MROH2B: variants seen among roughly 807,000 people sequenced by gnomAD.
MROH2B encodes the protein maestro heat-like repeat-containing protein family member 2B.
In MROH2B, 177 loss-of-function variants were observed where a neutral mutation model predicts 208.6. That is an observed-to-expected ratio of 0.85 (90% CI 0.75 to 0.96). The LOEUF is 0.96. Ranked by LOEUF, MROH2B falls within the 40% of genes least tolerant of loss-of-function variation. The pLI is 0.00. For synonymous variants in MROH2B, 728 were observed against 659.0 expected, an observed-to-expected ratio of 1.10 and a Z score of -1.60; for missense variants, 2,002 against 1,878.7, an observed-to-expected ratio of 1.07 and a Z score of -1.21.
intron 28 of MROH2B, among the ~76,000 whole-genome samples, chr5:41,016,503 T>TTG (rs1212828013): frequency 1.5e-5 from 2 of 134,680 alleles, no homozygotes; most frequent in Admixed American, 7.6e-5. Flanking sequence ...GTAATGTTTT[T>TTG]TTTTTTTTTT....
chr5:41,023,513 A>T (rs893439586), intron 24 of MROH2B, among the ~76,000 whole-genome samples: 4 of 152,216 alleles, frequency 2.6e-5, no homozygotes, highest in Admixed American at 6.5e-5. Context: ...AAAGAAATGA[A>T]CAAAGCCTCC....
At chr5:41,023,458 T>C (rs180961414) in intron 24 of MROH2B, among the ~76,000 whole-genome samples, 1 of 152,102 alleles carries the variant, frequency 6.6e-6, no homozygotes, top group South Asian at 2.1e-4. Context: ...GAAGATCAAA[T>C]TAATGAAATG....
At chr5:41,042,897 G>GCCCAA (rs1320521302) in intron 18 of MROH2B, among the ~76,000 whole-genome samples, 2 of 152,152 alleles carry the variant, frequency 1.3e-5, no homozygotes, top group East Asian at 1.9e-4. Flanking sequence ...GAGCCACCAT[G>GCCCAA]CCCAACCCAT....
At chr5:41,032,176 T>C (rs1742592686) in intron 24 of MROH2B, among the ~76,000 whole-genome samples, 1 of 152,140 alleles carries the variant, frequency 6.6e-6, no homozygotes, top group South Asian at 2.1e-4. Flanking sequence ...GTGGCTGAAC[T>C]AGTTTACATT....
intron 2 of MROH2B, 127 bp from the exon 3 acceptor site, chr5:41,067,345 A>G (rs1743843139): frequency 8.3e-6 from 5 of 601,456 alleles, no homozygotes; most frequent in South Asian, 5.9e-5. Context: ...TTCATATTAT[A>G]TGTCTTAATT....
intron 17 of MROH2B, 120 bp from the exon 18 acceptor site, chr5:41,045,973 TC>T: frequency 1.9e-6 from 1 of 522,058 alleles, no homozygotes; most frequent in Non-Finnish European, 3.1e-6. Context: ...TATTCCCTTT[TC>T]CATAAAATAA....
At chr5:41,020,785 T>C (rs1002945133) in intron 24 of MROH2B, among the ~76,000 whole-genome samples, 2 of 152,196 alleles carry the variant, frequency 1.3e-5, no homozygotes, top group African/African-American at 4.8e-5. Flanking sequence ...ATTAAAGATA[T>C]ATTTGTTACC....
At chr5:41,045,714 A>C in intron 18 of MROH2B, 32 bp downstream of exon 18, 1 of 1,546,530 alleles carries the variant, frequency 6.5e-7, no homozygotes, top group South Asian at 1.1e-5. Context: ...CATAGGTAAA[A>C]GCTAAGGTTT....
intron 24 of MROH2B, among the ~76,000 whole-genome samples, chr5:41,027,087 A>T (rs10043475): frequency 1.3e-5 from 2 of 152,328 alleles, no homozygotes; most frequent in Admixed American, 6.5e-5. Flanking sequence ...TAAAAACCCT[A>T]GAAGAAAACC....
chr5:41,057,574 T>TTTTTTTTTTTTTTG (rs1561304757), intron 7 of MROH2B, among the ~76,000 whole-genome samples: 2 of 142,728 alleles, frequency 1.4e-5, no homozygotes, highest in African/African-American at 2.6e-5. Context: ...TTTTTTTTTT[T>TTTTTTTTTTTTTTG]GAGACGGAGT....
intron 24 of MROH2B, among the ~76,000 whole-genome samples, chr5:41,025,278 A>G (rs1438679756): frequency 4.6e-5 from 7 of 152,190 alleles, no homozygotes. Context: ...CAAAATTGAC[A>G]GACCACTAGC....
intron 11 of MROH2B, 60 bp downstream of exon 11, chr5:41,054,707 A>G: frequency 7.5e-7 from 1 of 1,342,100 alleles, no homozygotes; most frequent in Non-Finnish European, 1.0e-6. Flanking sequence ...TTAAAGAATC[A>G]AAATAATTTC....
intron 26 of MROH2B, 90 bp downstream of exon 26, chr5:41,018,601 C>T: frequency 4.6e-6 from 7 of 1,511,880 alleles, no homozygotes; most frequent in Non-Finnish European, 5.4e-6. Context: ...TGGATGTCTT[C>T]ATGTAAGGAA....
intron 30 of MROH2B, among the ~76,000 whole-genome samples, chr5:41,012,300 CT>C (rs1360380042): frequency 6.6e-6 from 1 of 152,206 alleles, no homozygotes; most frequent in Non-Finnish European, 1.5e-5. Context: ...TCTAACAACC[CT>C]GTTTTCCATC....
rs537364624 is a variant in MROH2B at position 41,008,830 on chromosome 5, A to T, written c.3421-37T>A. 13 of 1,572,334 alleles carry T rather than the reference A, an allele frequency of 8.3e-6. No individual in the cohort carries two copies. In the East Asian group the frequency reaches 2.1e-4, roughly 25 times the overall value. On this transcript the variant is annotated intron_variant, in intron 32 of 41. Transcript: ENST00000399564. ...AAGGGCCTCTTGGTCAGGCAGTCTC[A>T]TTTTCTCCAAGGCCATCTTCTCTCT...
At chr5:41,049,080 G>T (rs2150175320) in intron 15 of MROH2B, 21 bp downstream of exon 15, 1 of 1,582,360 alleles carries the variant, frequency 6.3e-7, no homozygotes, top group African/African-American at 1.3e-5. Context: ...GTTCTACTTT[G>T]GTTCTTAGTA....
intron 35 of MROH2B, 164 bp from the exon 36 acceptor site, chr5:41,005,084 T>C: frequency 1.1e-6 from 1 of 895,992 alleles, no homozygotes; most frequent in African/African-American, 1.7e-5. Context: ...AGCTGAGCTC[T>C]AGATATGAGC....
chr5:41,022,511 C>T (rs527568826), intron 24 of MROH2B, among the ~76,000 whole-genome samples: 13 of 152,308 alleles, frequency 8.5e-5, no homozygotes, highest in South Asian at 6.2e-4. Flanking sequence ...GAGGGGCGCC[C>T]GCCATTGCTG....
chr5:41,050,993 A>T lies in MROH2B; in HGVS notation c.1328T>A (p.Val443Asp). ...ACCACTTACCTGAGGCATTCCAATG[A>T]CCAGTGGGTCCAGGGTTTTTAAGAC... Reference protein sequence around the residue: ...LEVLKTLDPLVIGMPQVLWPR... With the variant: ...LEVLKTLDPLDIGMPQVLWPR... Residue 443 changes from valine (V) to aspartate (D), a missense_variant, in exon 13 of 42, where the codon GTC becomes GAC. Coordinates refer to ENST00000399564, the MANE Select transcript of MROH2B (RefSeq NM_173489.5). 6.4e-7 allele frequency: 1 copy of T among 1,573,636 alleles called. No homozygotes were observed. Among genetic ancestry groups the T allele is most frequent in the Non-Finnish European group, 8.6e-7 (1 of 1,163,930 alleles).
Sources: gnomAD v4.1 joint callset for allele counts (sites outside exome capture counted in the v4.1 genomes callset) on GRCh38, gnomAD v4.1.1 for gene constraint, MANE v1.5 for transcripts, NCBI Gene and HGNC (gene_info 2026-07-23, HGNC 2026-07-21) for gene names.